Variants in CCBE1 observed in about 807,000 individuals in gnomAD.
CCBE1 encodes the protein collagen and calcium binding EGF domains 1, also known as collagen and calcium-binding EGF domain-containing protein 1.
In CCBE1, 37 loss-of-function variants were observed where a neutral mutation model predicts 50.0. The ratio of observed to expected loss-of-function variants is 0.74; its 90% CI spans 0.57 to 0.97. The LOEUF (loss-of-function observed/expected upper bound fraction) is 0.97. Ranked by LOEUF, CCBE1 falls within the 50% of genes least tolerant of loss-of-function variation. The pLI is 0.00. For synonymous variants in CCBE1, 234 were observed against 203.7 expected (o/e 1.15, Z -1.27); for missense variants, 538 against 523.8 (o/e 1.03, Z -0.26).
chr18:59,493,579 T>C (rs975905397), intron 2 of CCBE1, among the ~76,000 whole-genome samples: 1 of 151,988 alleles, frequency 6.6e-6, no homozygotes, highest in African/African-American at 2.4e-5. Context: ...AGCTGGAGCA[T>C]AGAGCACTTC....
At chr18:59,543,847 A>AAAAAAAAG (rs1555690356) in intron 2 of CCBE1, among the ~76,000 whole-genome samples, 1,485 of 78,422 alleles carry the variant, frequency 0.019, 18 homozygotes, top group South Asian at 0.054. Flanking sequence ...AAAAAAAAAA[A>AAAAAAAAG]AAAAAAAAAA....
intron 2 of CCBE1, among the ~76,000 whole-genome samples, chr18:59,531,550 C>A (rs1349767886): frequency 6.6e-6 from 1 of 152,054 alleles, no homozygotes. Context: ...GAATTCAAGA[C>A]CAGCCTGGGC....
At chr18:59,659,115 G>A (rs1037700470) in intron 2 of CCBE1, among the ~76,000 whole-genome samples, 1 of 152,108 alleles carries the variant, frequency 6.6e-6, no homozygotes, top group Non-Finnish European at 1.5e-5. Flanking sequence ...CACACATTAT[G>A]TGTAAGTTGC....
chr18:59,580,195 C>T (rs575238340), intron 2 of CCBE1, among the ~76,000 whole-genome samples: 1 of 152,314 alleles, frequency 6.6e-6, no homozygotes, highest in African/African-American at 2.4e-5. Context: ...AAAGTCACCC[C>T]TCTGCTGAAA....
chr18:59,455,057 G>A (rs1162671540), intron 5 of CCBE1, 106 bp from the exon 6 acceptor site: 4 of 865,412 alleles, frequency 4.6e-6, no homozygotes, highest in East Asian at 2.5e-5. Flanking sequence ...AGCTGACAGC[G>A]GGACATGCGA....
chr18:59,544,568 C>T (rs2564481), intron 2 of CCBE1, among the ~76,000 whole-genome samples: 93,796 of 152,022 alleles, frequency 0.62, 29,476 homozygotes, highest in African/African-American at 0.7. Flanking sequence ...AGGTCCTTCC[C>T]TTTCCCTTTC....
chr18:59,587,328 G>T (rs926846744), intron 2 of CCBE1, among the ~76,000 whole-genome samples: 2 of 152,214 alleles, frequency 1.3e-5, no homozygotes. Flanking sequence ...AGGAATGGAA[G>T]TGTAACACTG....
At chr18:59,479,766 G>T (rs997838121) in intron 3 of CCBE1, among the ~76,000 whole-genome samples, 2 of 152,212 alleles carry the variant, frequency 1.3e-5, no homozygotes, top group African/African-American at 4.8e-5. Flanking sequence ...CTATCTGAGT[G>T]CTGGGTTGAA....
At chr18:59,516,493 G>A (rs1914378247) in intron 2 of CCBE1, among the ~76,000 whole-genome samples, 1 of 152,204 alleles carries the variant, frequency 6.6e-6, no homozygotes, top group Admixed American at 6.5e-5. Flanking sequence ...GTTGCAACAG[G>A]ACCTCGTGGA....
At chr18:59,547,141 A>T (rs1319997637) in intron 2 of CCBE1, among the ~76,000 whole-genome samples, 1 of 140,084 alleles carries the variant, frequency 7.1e-6, no homozygotes, top group African/African-American at 2.7e-5. Context: ...GAGAGGGGAG[A>T]GAGAGGGAGG....
chr18:59,454,948 T>A lies in CCBE1; in HGVS notation c.557A>T (p.His186Leu). 6.2e-7 allele frequency: 1 copy of A among 1,612,708 alleles called. No homozygotes were observed. The highest frequency in any genetic ancestry group is 2.2e-5 in the East Asian group (1 of 44,880). ...RGDKYPNDTG[H>L]EKSENMVKAG... ...TTTCACCATGTTCTCAGACTTCTCA[T>A]GGCCTGAGAAAGGAGATAGGCTCAG... Residue 186 changes from histidine to leucine, a missense_variant, in exon 6 of 11, where the codon CAT becomes CTT. Coordinates refer to ENST00000439986, the MANE Select transcript of CCBE1 (RefSeq NM_133459.4).
intron 2 of CCBE1, 61 bp downstream of exon 2, chr18:59,696,568 C>G (rs1262576097): frequency 1.2e-6 from 2 of 1,607,996 alleles, no homozygotes; most frequent in African/African-American, 1.3e-5. Context: ...CTTTACAGCG[C>G]CGCCTCCCCA....
intron 2 of CCBE1, among the ~76,000 whole-genome samples, chr18:59,577,619 T>C (rs2053018076): frequency 6.6e-6 from 1 of 152,102 alleles, no homozygotes; most frequent in South Asian, 2.1e-4. Flanking sequence ...TGAGCAGAGG[T>C]ATAAAAGACA....
At chr18:59,697,121 G>A in intron 1 of CCBE1, 91 bp downstream of exon 1, 1 of 1,513,016 alleles carries the variant, frequency 6.6e-7, no homozygotes, top group South Asian at 1.2e-5. Context: ...GATCGCTGTG[G>A]GAGTGGGCGC....
chr18:59,453,579 T>C (rs1002839392), intron 6 of CCBE1, among the ~76,000 whole-genome samples: 45 of 152,226 alleles, frequency 3.0e-4, no homozygotes, highest in Admixed American at 2.9e-3. Context: ...AGCCTGTTGA[T>C]CTACTGAACT....
At chr18:59,496,664 T>A (rs1913370472) in intron 2 of CCBE1, among the ~76,000 whole-genome samples, 1 of 152,212 alleles carries the variant, frequency 6.6e-6, no homozygotes, top group Non-Finnish European at 1.5e-5. Context: ...ATTCACTCTG[T>A]TTGTGATGAA....
chr18:59,667,821 A>G (rs1375356938), intron 2 of CCBE1, among the ~76,000 whole-genome samples: 1 of 152,168 alleles, frequency 6.6e-6, no homozygotes, highest in Non-Finnish European at 1.5e-5. Context: ...GCAGCACAAG[A>G]AACGGTAATT....
chr18:59,582,232 C>A (rs2053095060), intron 2 of CCBE1, among the ~76,000 whole-genome samples: 1 of 152,184 alleles, frequency 6.6e-6, no homozygotes, highest in African/African-American at 2.4e-5. Flanking sequence ...ACCGCCACCT[C>A]TCCCCCGTCA....
chr18:59,563,094 A>G (rs570912609), intron 2 of CCBE1, among the ~76,000 whole-genome samples: 14 of 152,284 alleles, frequency 9.2e-5, no homozygotes, highest in African/African-American at 3.1e-4. Context: ...GAGCAATGCA[A>G]CCCTTACAAC....
Sources: allele counts gnomAD v4.1 joint callset (sites outside exome capture counted in the v4.1 genomes callset), GRCh38; gene constraint gnomAD v4.1.1; transcripts MANE v1.5; gene names NCBI Gene and HGNC (gene_info 2026-07-23, HGNC 2026-07-21).